The following CACNA2D1 variants were observed in gnomAD, a reference collection of about 807,000 sequenced individuals.
CACNA2D1 encodes the protein calcium voltage-gated channel auxiliary subunit alpha2delta 1.
In CACNA2D1, 53 loss-of-function variants were observed where a neutral mutation model predicts 171.5. That is an observed-to-expected ratio of 0.31 (90% CI 0.25 to 0.39). CACNA2D1 has a LOEUF of 0.39. Among genes scored for constraint, CACNA2D1 ranks in the 10% least tolerant of loss-of-function variants. CACNA2D1 has a pLI of 1.00. For synonymous variants in CACNA2D1, 442 were observed against 443.1 expected (o/e 1.00, Z 0.03); for missense variants, 903 against 1,299.8 (o/e 0.69, Z 4.69).
chr7:81,998,416 T>C (rs1321625029), intron 18 of CACNA2D1, among the ~76,000 whole-genome samples: 1 of 152,010 alleles, frequency 6.6e-6, no homozygotes, highest in East Asian at 1.9e-4. Context: ...AGCACTGTTT[T>C]AGGAAGAAAC....
chr7:82,102,507 CACAT>C (rs148325906), intron 6 of CACNA2D1, among the ~76,000 whole-genome samples: 3,306 of 152,124 alleles, frequency 0.022, 124 homozygotes, highest in African/African-American at 0.076. Flanking sequence ...CACGCACACA[CACAT>C]ATATAATTTA....
chr7:82,238,242 G>A (rs1803850263), intron 3 of CACNA2D1, among the ~76,000 whole-genome samples: 1 of 151,982 alleles, frequency 6.6e-6, no homozygotes, highest in Admixed American at 6.6e-5. Flanking sequence ...TATCACTAGC[G>A]AGGGGATTTA....
At chr7:82,159,547 GAAT>G (rs1470150199) in intron 4 of CACNA2D1, among the ~76,000 whole-genome samples, 2 of 151,560 alleles carry the variant, frequency 1.3e-5, no homozygotes, top group Non-Finnish European at 2.9e-5. Flanking sequence ...AAAATAAAAG[GAAT>G]AATACCCATT....
chr7:82,037,038 G>A (rs967072018), intron 11 of CACNA2D1, among the ~76,000 whole-genome samples: 22 of 152,274 alleles, frequency 1.4e-4, no homozygotes, highest in African/African-American at 4.6e-4. Context: ...AAACCAAGGT[G>A]CAGAGAAGTA....
At chr7:82,085,265 T>A (rs1284757418) in intron 6 of CACNA2D1, among the ~76,000 whole-genome samples, 1 of 152,158 alleles carries the variant, frequency 6.6e-6, no homozygotes, top group African/African-American at 2.4e-5. Context: ...CACTAGATAC[T>A]AGTACCTCCC....
chr7:82,071,182 A>G (rs1408868293), intron 7 of CACNA2D1, among the ~76,000 whole-genome samples: 1 of 152,180 alleles, frequency 6.6e-6, no homozygotes, highest in Admixed American at 6.5e-5. Context: ...AGCAAGCAAT[A>G]AAAGCTGTTT....
intron 12 of CACNA2D1, among the ~76,000 whole-genome samples, chr7:82,026,727 T>C (rs547620129): frequency 6.6e-6 from 1 of 151,860 alleles, no homozygotes; most frequent in East Asian, 1.9e-4. Flanking sequence ...TGTTCCTCAA[T>C]TCATCCACAC....
intron 1 of CACNA2D1, among the ~76,000 whole-genome samples, chr7:82,397,492 T>C (rs1825864573): frequency 6.6e-6 from 1 of 152,194 alleles, no homozygotes; most frequent in Non-Finnish European, 1.5e-5. Context: ...TGATTATTCT[T>C]AACAATATTC....
chr7:82,385,776 T>C (rs1046420203), intron 1 of CACNA2D1, among the ~76,000 whole-genome samples: 44 of 152,038 alleles, frequency 2.9e-4, no homozygotes, highest in African/African-American at 9.4e-4. Context: ...ACAACTCTCC[T>C]GCCTCAGCCT....
intron 5 of CACNA2D1, among the ~76,000 whole-genome samples, chr7:82,124,885 C>G (rs943017860): frequency 2.0e-5 from 3 of 151,886 alleles, no homozygotes; most frequent in Non-Finnish European, 2.9e-5. Flanking sequence ...TACTATAAGA[C>G]AGCTTTTTAA....
intron 7 of CACNA2D1, among the ~76,000 whole-genome samples, chr7:82,067,082 G>C (rs1807729717): frequency 6.6e-6 from 1 of 152,080 alleles, no homozygotes. Flanking sequence ...TTCAAGCGCA[G>C]ATTCAACAAT....
intron 3 of CACNA2D1, among the ~76,000 whole-genome samples, chr7:82,177,573 C>T (rs1272710820): frequency 5.3e-5 from 8 of 151,100 alleles, no homozygotes; most frequent in Non-Finnish European, 8.9e-5. Flanking sequence ...GGACAAAACC[C>T]CTCAGGGAAA....
intron 3 of CACNA2D1, among the ~76,000 whole-genome samples, chr7:82,332,508 T>TTAA (rs1554514790): frequency 5.8e-5 from 2 of 34,602 alleles, no homozygotes; most frequent in African/African-American, 1.5e-4. Flanking sequence ...AAAAAAGAAA[T>TTAA]ATAAAGAAAG....
intron 1 of CACNA2D1, among the ~76,000 whole-genome samples, chr7:82,406,120 A>G (rs1204418440): frequency 6.6e-6 from 1 of 151,724 alleles, no homozygotes; most frequent in African/African-American, 2.4e-5. Flanking sequence ...ACTCCCACCT[A>G]TGAGTGAGAA....
intron 1 of CACNA2D1, among the ~76,000 whole-genome samples, chr7:82,415,056 T>C (rs550181412): frequency 6.6e-6 from 1 of 152,356 alleles, no homozygotes; most frequent in Admixed American, 6.5e-5. Context: ...CGTTTCTCTT[T>C]ATTTCTTGGG....
intron 5 of CACNA2D1, among the ~76,000 whole-genome samples, chr7:82,128,965 AAT>A (rs1455573982): frequency 2.0e-5 from 3 of 152,276 alleles, no homozygotes; most frequent in African/African-American, 7.2e-5. Flanking sequence ...CAGGCTGCAG[AAT>A]ATGTTATATC....
At chr7:82,421,078 C>T (rs192640546) in intron 1 of CACNA2D1, among the ~76,000 whole-genome samples, 137 of 152,234 alleles carry the variant, frequency 9.0e-4, no homozygotes, top group African/African-American at 3.0e-3. Context: ...TTTTCCTGAC[C>T]ATGCTCAGCT....
chr7:82,256,155 T>C (rs902653629), intron 3 of CACNA2D1, among the ~76,000 whole-genome samples: 1 of 151,928 alleles, frequency 6.6e-6, no homozygotes, highest in Admixed American at 6.6e-5. Context: ...TGGGTGCCTA[T>C]ATAATAGCCG....
intron 9 of CACNA2D1, among the ~76,000 whole-genome samples, 176 bp downstream of exon 9, chr7:82,064,124 TTAAA>T (rs752998523): frequency 1.1e-4 from 17 of 152,048 alleles, no homozygotes; most frequent in Admixed American, 5.2e-4. Flanking sequence ...TCATGTTTAA[TTAAA>T]TAATTTGTTT....
Sources: allele counts gnomAD v4.1 joint callset (sites outside exome capture counted in the v4.1 genomes callset), GRCh38; gene constraint gnomAD v4.1.1; transcripts MANE v1.5; gene names NCBI Gene and HGNC (gene_info 2026-07-23, HGNC 2026-07-21).